Variants in ADGRG4 observed in about 807,000 individuals in gnomAD.
ADGRG4 encodes G protein-coupled receptor 112.
A neutral mutation model predicts 126.2 loss-of-function variants in ADGRG4; 122 were observed. The ratio of observed to expected loss-of-function variants is 0.97; its 90% CI spans 0.83 to 1.12. ADGRG4 has a LOEUF of 1.12. Among genes scored for constraint, ADGRG4 ranks in the 50% most tolerant of loss-of-function variants. The probability of loss-of-function intolerance (pLI) is 0.00; values close to 1 mark genes in which losing one functional copy is unlikely to be tolerated. For synonymous variants in ADGRG4, 943 were observed against 838.7 expected (o/e 1.12, Z -2.15); for missense variants, 2,481 against 2,251.8 (o/e 1.10, Z -2.06).
At chrX:136,308,362 G>A (rs1012004154) in intron 3 of ADGRG4, among the ~76,000 whole-genome samples, 8 of 111,683 alleles carry the variant, frequency 7.2e-5, no homozygotes, top group East Asian at 2.8e-4. Flanking sequence ...CACCCGCTTC[G>A]GCCTCCCAAA....
At chrX:136,326,267 A>G (rs200567361) in intron 5 of ADGRG4, among the ~76,000 whole-genome samples, 1 of 112,453 alleles carries the variant, frequency 8.9e-6, no homozygotes. Context: ...CTAAAAATAC[A>G]GGGCAGATTT....
chrX:136,412,368 T>C lies in ADGRG4; in HGVS notation c.9037+2T>C. On this transcript the variant is annotated splice_donor_variant, in intron 24 of 25. Transcript: ENST00000394143. LOFTEE classifies it high-confidence loss of function. Reference sequence around the variant, plus strand: ...GGTTGCGATTGGATAACTCTTCTGGTAAGATGTCAGTTTGGATGAAGTTTT... The same window carrying C: ...GGTTGCGATTGGATAACTCTTCTGGCAAGATGTCAGTTTGGATGAAGTTTT... The C allele has an allele frequency of 9.0e-7, 1 of 1,109,851 alleles. No homozygotes were observed. Among genetic ancestry groups the C allele is most frequent in the Non-Finnish European group, 1.2e-6 (1 of 802,317 alleles). The allele number at this position is 1,109,851 out of a possible 1,213,427, so 91.5% of individuals were successfully genotyped here. A position where few individuals can be genotyped will look rare whatever the true frequency, so the allele number is the denominator to read the frequency against.
At position 136,348,566 on chromosome X, in the gene ADGRG4, A is replaced by C; in HGVS notation, c.4860A>C (p.Ser1620=). ...VTPVIYAGAT[S]KNKMVSSAFT... Reference sequence around the variant, plus strand: ...CTGTGATATATGCTGGGGCTACTTCAAAAAACAAAATGGTTTCCTCTGCTT... The same window carrying C: ...CTGTGATATATGCTGGGGCTACTTCCAAAAACAAAATGGTTTCCTCTGCTT... The change falls in exon 6 of 26, where the codon TCA becomes TCC. Residue 1620 remains serine (S), a synonymous_variant. Coordinates refer to ENST00000394143, the MANE Select transcript of ADGRG4 (RefSeq NM_153834.4). 8.3e-7 allele frequency: 1 copy of C among 1,210,219 alleles called. No individual in the cohort carries two copies. The highest frequency in any genetic ancestry group is 1.1e-6 in the Non-Finnish European group (1 of 894,669).
intron 15 of ADGRG4, among the ~76,000 whole-genome samples, chrX:136,380,646 T>C (rs866349751): frequency 4.9e-5 from 4 of 81,171 alleles, no homozygotes; most frequent in African/African-American, 9.8e-5. Flanking sequence ...CTTCTTCTTC[T>C]TCTTCCTCCT....
At chrX:136,387,003 T>C (rs1388637710) in intron 15 of ADGRG4, among the ~76,000 whole-genome samples, 1 of 111,836 alleles carries the variant, frequency 8.9e-6, no homozygotes, top group African/African-American at 3.3e-5. Context: ...CTTCTTGCTG[T>C]GTCATCCAAT....
chrX:136,323,805 T>C (rs773756453), intron 5 of ADGRG4, among the ~76,000 whole-genome samples: 1 of 111,997 alleles, frequency 8.9e-6, no homozygotes, highest in Non-Finnish European at 1.9e-5. Context: ...ATTTAGCCAA[T>C]TATCCTAGTA....
chrX:136,335,201 A>G (rs2074941445), intron 5 of ADGRG4, among the ~76,000 whole-genome samples: 1 of 111,448 alleles, frequency 9.0e-6, no homozygotes, highest in South Asian at 3.7e-4. Flanking sequence ...TCAAAGGTTT[A>G]GCCAGCTTTG....
In ADGRG4 at chrX:136,345,755, A is replaced by G. The variant is rs1243470709; in HGVS notation, c.2049A>G (p.Thr683=). The change falls in exon 6 of 26, where the codon ACA becomes ACG. Residue 683 remains threonine, a synonymous_variant. Coordinates refer to ENST00000394143, the MANE Select transcript of ADGRG4 (RefSeq NM_153834.4). The stretch of plus-strand genomic sequence containing the variant: ...CATTTGTGCCTAATGAAAATTTTAC[A>G]TCAGCATTTCATGAGAATACTACTT... The part of the protein sequence containing the change: ...ILTFVPNENF[T]SAFHENTTYT... 6.6e-6 allele frequency: 8 copies of G among 1,209,044 alleles called. No individual in the cohort carries two copies. The South Asian group carries it at 1.1e-4, about 16-fold the overall frequency.
Position 136,416,559 on chromosome X carries a change from T to C in ADGRG4, c.*68T>C. ...TGTGGAAATAAAAATGAATTCCAAG[T>C]GTATACTTGCTCGGGTGATGGGTGC... On this transcript the variant is annotated 3_prime_UTR_variant, in exon 26 of 26. Transcript: ENST00000394143. The C allele has an allele frequency of 1.1e-6, 1 of 896,618 alleles. No individual in the cohort carries two copies. The highest frequency in any genetic ancestry group is 2.4e-5 in the Admixed American group (1 of 41,026). 73.9% of individuals were successfully genotyped at this position (896,618 alleles called of 1,213,427 possible). A position where few individuals can be genotyped will look rare whatever the true frequency, so the allele number is the denominator to read the frequency against.
chrX:136,405,327 G>T (rs2075399484), intron 22 of ADGRG4, among the ~76,000 whole-genome samples: 1 of 110,235 alleles, frequency 9.1e-6, no homozygotes, highest in South Asian at 3.9e-4. Flanking sequence ...AGGGCGTGCG[G>T]GGGCGGTGTG....
intron 5 of ADGRG4, among the ~76,000 whole-genome samples, chrX:136,341,376 T>A (rs765392839): frequency 8.9e-6 from 1 of 112,499 alleles, no homozygotes; most frequent in South Asian, 3.7e-4. Context: ...TGTGAACTCT[T>A]CTCTCAACAA....
intron 4 of ADGRG4, among the ~76,000 whole-genome samples, chrX:136,317,499 C>CAAAA (rs35736381): frequency 5.2e-3 from 209 of 39,812 alleles, no homozygotes; most frequent in Non-Finnish European, 6.3e-3. Context: ...GACTCCATCT[C>CAAAA]AAAAAAAAAA....
chrX:136,406,037 G>T, intron 23 of ADGRG4, 65 bp downstream of exon 23: 1 of 1,007,202 alleles, frequency 9.9e-7, no homozygotes, highest in South Asian at 2.6e-5. Flanking sequence ...TTGTTGCTTT[G>T]GAAAATAATC....
At chrX:136,354,028 T>A (rs898214795) in intron 8 of ADGRG4, among the ~76,000 whole-genome samples, 3 of 112,096 alleles carry the variant, frequency 2.7e-5, no homozygotes, top group African/African-American at 9.7e-5. Context: ...AAAATAGGCA[T>A]GGCTCTGTTA....
At chrX:136,306,366 C>T (rs779748231) in intron 3 of ADGRG4, among the ~76,000 whole-genome samples, 8 of 111,658 alleles carry the variant, frequency 7.2e-5, no homozygotes, top group Non-Finnish European at 1.3e-4. Context: ...TTTCTCTTTT[C>T]CTCTTTCTTT....
At chrX:136,334,080 CTT>C (rs1182499189) in intron 5 of ADGRG4, among the ~76,000 whole-genome samples, 3 of 7,814 alleles carry the variant, frequency 3.8e-4, no homozygotes, top group Admixed American at 2.3e-3. Flanking sequence ...CTCTCTCTTT[CTT>C]TCTTTCTTTC....
At chrX:136,388,649 T>A (rs919963194) in intron 16 of ADGRG4, among the ~76,000 whole-genome samples, 6 of 112,296 alleles carry the variant, frequency 5.3e-5, no homozygotes, top group African/African-American at 1.9e-4. Flanking sequence ...GTCTTAGGTC[T>A]CTGCCTAACA....
chrX:136,363,562 A>G lies in ADGRG4; in HGVS notation c.7363A>G (p.Ile2455Val). The change falls in exon 13 of 26, where the codon ATT becomes GTT. Residue 2455 changes from isoleucine to valine, a missense_variant. Ile to Val is a conservative substitution (Grantham distance 29). Coordinates refer to ENST00000394143, the MANE Select transcript of ADGRG4 (RefSeq NM_153834.4). ...CKLLQELPDK[I>V]VDLANITISD... ...ATTGCTTCAAGAACTTCCTGACAAG[A>G]TTGTGGATCTTGCTAATATTACCAT... 8.5e-7 allele frequency: 1 copy of G among 1,179,598 alleles called. No individual in the cohort carries two copies. The highest frequency in any genetic ancestry group is 1.2e-6 in the Non-Finnish European group (1 of 866,230).
Position 136,387,755 on chromosome X carries a change from G to A in ADGRG4, c.7792G>A (p.Val2598Ile), listed in dbSNP as rs1166975766. 1.7e-6 allele frequency: 2 copies of A among 1,204,995 alleles called. No homozygotes were observed. The highest frequency in any genetic ancestry group is 2.2e-6 in the Non-Finnish European group (2 of 893,064). The stretch of plus-strand genomic sequence containing the variant: ...TTCTTGGCAGATTTTCCTAGGCAAT[G>A]TCCCTGTGGGAGGGATTTTGGCTTC... ...GTDPEIFLGN[V>I]PVGGILASIY... The change falls in exon 16 of 26, where the codon GTC becomes ATC. Residue 2598 changes from valine to isoleucine, a missense_variant. Val to Ile is a conservative substitution (Grantham distance 29, BLOSUM62 3). Coordinates refer to ENST00000394143, the MANE Select transcript of ADGRG4 (RefSeq NM_153834.4).
Sources: gnomAD v4.1 joint callset for allele counts (sites outside exome capture counted in the v4.1 genomes callset) on GRCh38, gnomAD v4.1.1 for gene constraint, MANE v1.5 for transcripts, NCBI Gene and HGNC (gene_info 2026-07-23, HGNC 2026-07-21) for gene names.